Variants in CDC14B observed in about 807,000 individuals in gnomAD.
The protein encoded by CDC14B is cell division cycle 14B, also known as dual specificity protein phosphatase CDC14B.
Under a neutral mutation model 64.2 loss-of-function variants are expected in CDC14B, and 22 were observed. The observed-to-expected ratio is 0.34, with a 90% CI of 0.24 to 0.49. The LOEUF is 0.49. CDC14B is among the 20% of genes least tolerant of loss of function. CDC14B has a pLI of 0.99. For missense variants in CDC14B, 498 were observed against 629.9 expected (o/e 0.79, Z 2.24); for synonymous variants, 191 against 215.8 (o/e 0.89, Z 1.01).
chr9:96,605,807 G>C (rs546633759), intron 1 of CDC14B, among the ~76,000 whole-genome samples: 240 of 151,990 alleles, frequency 1.6e-3, no homozygotes, highest in Admixed American at 5.3e-3. Flanking sequence ...GTTGCAGCGA[G>C]CCAAGATTAA....
chr9:96,522,986 C>T (rs1836975506), intron 11 of CDC14B, among the ~76,000 whole-genome samples: 1 of 152,062 alleles, frequency 6.6e-6, no homozygotes. Context: ...TGTGAAATGG[C>T]AAAAAGGGGT....
intron 1 of CDC14B, 81 bp from the exon 2 acceptor site, chr9:96,565,564 G>T: frequency 1.1e-6 from 1 of 925,278 alleles, no homozygotes; most frequent in Non-Finnish European, 1.8e-6. Context: ...CTTTTCAGAT[G>T]AAGTCAATTT....
At chr9:96,568,233 T>C (rs1844244316) in intron 1 of CDC14B, among the ~76,000 whole-genome samples, 1 of 152,240 alleles carries the variant, frequency 6.6e-6, no homozygotes, top group Admixed American at 6.5e-5. Flanking sequence ...AATACATTTT[T>C]TAAACCATGA....
intron 4 of CDC14B, among the ~76,000 whole-genome samples, chr9:96,561,886 C>T (rs17840738): frequency 0.017 from 2,654 of 152,172 alleles, 76 homozygotes; most frequent in African/African-American, 0.061. Flanking sequence ...CACTGAACAG[C>T]GTGGCCAGCT....
intron 1 of CDC14B, among the ~76,000 whole-genome samples, chr9:96,616,441 T>C (rs1257382160): frequency 1.3e-5 from 2 of 151,808 alleles, no homozygotes; most frequent in Non-Finnish European, 2.9e-5. Flanking sequence ...AAAACTCATT[T>C]GATAGGCTGG....
At chr9:96,561,236 G>A (rs1843132675) in intron 4 of CDC14B, among the ~76,000 whole-genome samples, 3 of 152,080 alleles carry the variant, frequency 2.0e-5, no homozygotes, top group African/African-American at 7.2e-5. Flanking sequence ...AGCATAAATA[G>A]GAAAACAAAA....
chr9:96,592,457 A>G (rs1845845284), intron 1 of CDC14B, among the ~76,000 whole-genome samples: 1 of 152,202 alleles, frequency 6.6e-6, no homozygotes, highest in Non-Finnish European at 1.5e-5. Flanking sequence ...TATGTTCACC[A>G]TCAGTTTTGT....
intron 1 of CDC14B, among the ~76,000 whole-genome samples, chr9:96,592,898 TA>T (rs975334880): frequency 1.3e-5 from 2 of 152,118 alleles, no homozygotes; most frequent in East Asian, 3.8e-4. Context: ...TTATTAAATT[TA>T]AAAAAAGCCA....
At chr9:96,496,862 T>C (rs1225704380), downstream of CDC14B, among the ~76,000 whole-genome samples, 4 of 152,086 alleles carry the variant, frequency 2.6e-5, no homozygotes, top group Admixed American at 6.5e-5. Context: ...ACAAGCGGCA[T>C]TGGAAGCGAG....
intron 13 of CDC14B, among the ~76,000 whole-genome samples, chr9:96,493,804 G>A (rs920964693): frequency 4.6e-5 from 7 of 152,178 alleles, no homozygotes; most frequent in Middle Eastern, 3.2e-3. Flanking sequence ...CAGCCTGGGT[G>A]ACAGAGAAAA....
intron 1 of CDC14B, chr9:96,618,630 C>CG (rs1554783725): frequency 3.8e-6 from 2 of 529,250 alleles, no homozygotes; most frequent in Admixed American, 1.9e-5. Context: ...CGGAGGCGTT[C>CG]GGGGGGCGCG....
At chr9:96,516,766 G>T (rs534849509) in intron 12 of CDC14B, among the ~76,000 whole-genome samples, 4 of 151,936 alleles carry the variant, frequency 2.6e-5, no homozygotes, top group African/African-American at 9.7e-5. Flanking sequence ...GTGAGCCATC[G>T]CACCTGAGCT....
chr9:96,553,841 T>C (rs1335032430), intron 4 of CDC14B, among the ~76,000 whole-genome samples: 1 of 152,096 alleles, frequency 6.6e-6, no homozygotes, highest in Non-Finnish European at 1.5e-5. Context: ...ATTTTAAGAC[T>C]TCCTAGCAGA....
chr9:96,598,729 T>C (rs1406145209), intron 1 of CDC14B, among the ~76,000 whole-genome samples: 3 of 152,188 alleles, frequency 2.0e-5, no homozygotes, highest in Admixed American at 2.0e-4. Context: ...TACATATACC[T>C]CTAACTCAGC....
At chr9:96,608,256 T>C (rs550064183) in intron 1 of CDC14B, among the ~76,000 whole-genome samples, 1 of 152,332 alleles carries the variant, frequency 6.6e-6, no homozygotes, top group South Asian at 2.1e-4. Flanking sequence ...GTTACAGTAG[T>C]TTAAAATTAG....
chr9:96,589,281 G>GTGAGC (rs779017566), intron 1 of CDC14B, among the ~76,000 whole-genome samples: 1 of 151,782 alleles, frequency 6.6e-6, no homozygotes, highest in Non-Finnish European at 1.5e-5. Flanking sequence ...ACAGGCTGCA[G>GTGAGC]TGAGCTGAGA....
At chr9:96,610,194 T>C (rs1847226118) in intron 1 of CDC14B, among the ~76,000 whole-genome samples, 2 of 152,072 alleles carry the variant, frequency 1.3e-5, no homozygotes, top group Admixed American at 1.3e-4. Flanking sequence ...GAATACTTCA[T>C]TTATTTATTT....
downstream of CDC14B, chr9:96,496,246 G>C: frequency 2.1e-6 from 1 of 486,072 alleles, no homozygotes; most frequent in Non-Finnish European, 4.1e-6. Flanking sequence ...AGAACTTGCA[G>C]TGGGCAACGG....
intron 1 of CDC14B, among the ~76,000 whole-genome samples, chr9:96,593,486 CAA>C (rs1216525397): frequency 3.8e-4 from 20 of 52,548 alleles, no homozygotes; most frequent in Admixed American, 4.2e-4. Flanking sequence ...GACTTGGTCT[CAA>C]AAAAAAAAAA....
Sources: allele counts gnomAD v4.1 joint callset (sites outside exome capture counted in the v4.1 genomes callset), GRCh38; gene constraint gnomAD v4.1.1; transcripts MANE v1.5; gene names NCBI Gene and HGNC (gene_info 2026-07-23, HGNC 2026-07-21).